Variants in UBR4 observed in about 807,000 individuals in gnomAD.
The protein encoded by UBR4 is E3 ubiquitin-protein ligase UBR4.
UBR4 carries 124 observed loss-of-function variants against 575.6 expected under a neutral mutation model. The observed-to-expected ratio is 0.22, with a 90% CI of 0.19 to 0.25. The LOEUF (loss-of-function observed/expected upper bound fraction) is 0.25, where lower values mean the gene tolerates loss of function less well. Among genes scored for constraint, UBR4 ranks in the 10% least tolerant of loss-of-function variants. UBR4 has a pLI of 1.00. For synonymous variants in UBR4, 2,455 were observed against 2,473.7 expected (o/e 0.99, Z 0.22); for missense variants, 4,818 against 6,478.8 (o/e 0.74, Z 8.80).
intron 42 of UBR4, 91 bp downstream of exon 42, chr1:19,156,180 T>C: frequency 3.3e-6 from 5 of 1,527,666 alleles, no homozygotes; most frequent in Non-Finnish European, 4.4e-6. Context: ...AGCTGATTTT[T>C]TTAACTCCTG....
Position 19,139,901 on chromosome 1 carries a change from T to C in UBR4, c.8594-681A>G, listed in dbSNP as rs550613651. On this transcript the variant is annotated intron_variant, in intron 58 of 105. Transcript: ENST00000375254. This position sits in a 1 kb window ranked among gnomAD's most constrained non-coding sequence, Gnocchi z 4.2. ...CTGAGCTGAGACAGGAGGAAAATGC[T>C]GGATGAGATACATGGGGGAGGAAAG... 6.6e-6 allele frequency among the ~76,000 whole-genome samples: 1 copy of C among 152,178 alleles called. No individual in the cohort carries two copies. Among genetic ancestry groups the C allele is most frequent in the African/African-American group, 2.4e-5 (1 of 41,510 alleles).
At chr1:19,198,122 G>C in intron 5 of UBR4, 73 bp from the exon 6 acceptor site, 2 of 1,422,644 alleles carry the variant, frequency 1.4e-6, no homozygotes, top group Non-Finnish European at 2.0e-6. Context: ...GTGAGCAGTA[G>C]CTGCACGGAT....
chr1:19,163,699 C>A, intron 34 of UBR4, 65 bp downstream of exon 34: 2 of 1,554,744 alleles, frequency 1.3e-6, no homozygotes, highest in South Asian at 2.2e-5. Context: ...GAGACTTCCA[C>A]CTGACCACAG....
chr1:19,164,007 T>C (rs934398943), intron 33 of UBR4, among the ~76,000 whole-genome samples, 180 bp from the exon 34 acceptor site: 4 of 152,312 alleles, frequency 2.6e-5, no homozygotes, highest in Admixed American at 2.6e-4. Flanking sequence ...GCCTTAGAAT[T>C]ATCATTAACA....
chr1:19,206,946 T>C (rs1013090485), intron 1 of UBR4, among the ~76,000 whole-genome samples: 1 of 151,866 alleles, frequency 6.6e-6, no homozygotes, highest in Non-Finnish European at 1.5e-5. Context: ...TACTGAGGAG[T>C]CTCAAGCACG....
rs748996565 is a variant in UBR4, at chr1:19,106,557, G to A, written c.12393+12C>T. On this transcript the variant is annotated intron_variant, in intron 83 of 105. Transcript: ENST00000375254. ...GGCGCAGGGGGTGAAGAGTCCAGAA[G>A]TGGCCACTCACTTGTCGCAGCCAGT... 1 of 1,551,304 alleles carries A rather than the reference G, an allele frequency of 6.4e-7. No homozygotes were observed. The highest frequency in any genetic ancestry group is 8.7e-7 in the Non-Finnish European group (1 of 1,150,166).
At chr1:19,179,994 T>C (rs1163923364) in intron 17 of UBR4, among the ~76,000 whole-genome samples, 2 of 152,200 alleles carry the variant, frequency 1.3e-5, no homozygotes, top group African/African-American at 4.8e-5. Context: ...TTTCGCAAAA[T>C]GTCGCTGGCC....
chr1:19,110,651 G>A lies in UBR4; in HGVS notation c.11892+91C>T. On this transcript the variant is annotated intron_variant, in intron 79 of 105. Coordinates refer to ENST00000375254, the MANE Select transcript of UBR4 (RefSeq NM_020765.3). The surrounding 1 kb of genome is among the most constrained non-coding windows in gnomAD (Gnocchi z 4.5). The stretch of plus-strand genomic sequence containing the variant: ...TAATGTTCTGCTCCTTCCCTCCTCA[G>A]TCACCGCAGGACCTGGGAGGGGAAG... 6.8e-7 allele frequency: 1 copy of A among 1,471,098 alleles called. No individual in the cohort carries two copies. Among genetic ancestry groups the A allele is most frequent in the South Asian group, 1.1e-5 (1 of 87,684 alleles). 91.1% of individuals were successfully genotyped at this position (1,471,098 alleles called of 1,614,324 possible).
In UBR4 at chr1:19,084,543, A is replaced by T; in HGVS notation, c.14969T>A (p.Ile4990Asn). The T allele has an allele frequency of 6.2e-7, 1 of 1,614,000 alleles. No individual in the cohort carries two copies. Among genetic ancestry groups the T allele is most frequent in the East Asian group, 2.2e-5 (1 of 44,866 alleles). The change falls in exon 102 of 106, where the codon ATC becomes AAC. Residue 4990 changes from isoleucine (I) to asparagine (N), a missense_variant. Around this residue, in one of 29 missense-constraint regions of UBR4, gnomAD observed 196 missense variants for 386.8 expected, o/e 0.51. Transcript: ENST00000375254. ...AAGCACAGTGTGAATGATGTACGGG[A>T]TCAGGTGGATGTTGCTCTCCCGGCC... The part of the protein sequence containing the change: ...GGGRESNIHL[I>N]PYIIHTVLYV...
rs557413903 is a variant in UBR4 at position 19,115,603 on chromosome 1, G to A, written c.10858C>T (p.Leu3620=). ...TTCACCTCTGTCTGTCCAGGGGTCA[G>A]CTGAACCTTCTTGGCTTTGTGCCAG... ...ARWHKAKKVQ[L]TPGQTEVKID... is the part of the protein sequence containing the mutation. The change falls in exon 74 of 106, where the codon CTG becomes TTG. Residue 3620 remains leucine, a synonymous_variant. Coordinates refer to ENST00000375254, the MANE Select transcript of UBR4 (RefSeq NM_020765.3). 30 of 1,614,198 alleles carry A rather than the reference G, an allele frequency of 1.9e-5. No individual in the cohort carries two copies. In the South Asian group the frequency reaches 3.3e-4, roughly 18 times the overall value.
rs2149178957 is a variant in UBR4 at position 19,105,762 on chromosome 1, G to A, written c.12474C>T (p.Arg4158=). ...TAAGCAGGTCCAGGACCTGCTGCTTGCGGCTGGGAATGGTGGCTAGAGCTT... is the reference window on the plus strand; with the variant it reads ...TAAGCAGGTCCAGGACCTGCTGCTTACGGCTGGGAATGGTGGCTAGAGCTT... ...IVEALATIPS[R]KQQVLDLLTS... The change falls in exon 84 of 106, where the codon CGC becomes CGT. Residue 4158 remains arginine (R), a synonymous_variant. Coordinates refer to ENST00000375254, the MANE Select transcript of UBR4 (RefSeq NM_020765.3). 8.1e-6 allele frequency: 13 copies of A among 1,610,236 alleles called. No homozygotes were observed. The highest frequency in any genetic ancestry group is 1.1e-5 in the Non-Finnish European group (13 of 1,178,732).
intron 32 of UBR4, 133 bp downstream of exon 32, chr1:19,164,666 C>A: frequency 1.6e-6 from 2 of 1,270,812 alleles, no homozygotes; most frequent in Non-Finnish European, 1.1e-6. Context: ...ACACTAGAAT[C>A]CTTGAGTCTA....
Position 19,185,158 on chromosome 1 carries a change from T to C in UBR4, c.1879A>G (p.Ser627Gly), listed in dbSNP as rs1395191335. 2 of 1,614,170 alleles carry C rather than the reference T, an allele frequency of 1.2e-6. No individual in the cohort carries two copies. The highest frequency in any genetic ancestry group is 8.5e-7 in the Non-Finnish European group (1 of 1,180,016). Residue 627 changes from serine to glycine, a missense_variant, in exon 15 of 106, where the codon AGT becomes GGT. Physicochemically the swap from Ser to Gly is moderately conservative, Grantham distance 56. Coordinates refer to ENST00000375254, the MANE Select transcript of UBR4 (RefSeq NM_020765.3). ...LESSPRVKSPSKQAPGEKGNI... is the reference protein window; with the variant it reads ...LESSPRVKSPGKQAPGEKGNI... ...CCCTTCTCACCAGGGGCCTGCTTAC[T>C]GGGGCTTTTAACCCGAGGAGAGCTT...
At chr1:19,204,908 T>C (rs2092931850) in intron 1 of UBR4, among the ~76,000 whole-genome samples, 1 of 151,474 alleles carries the variant, frequency 6.6e-6, no homozygotes, top group Admixed American at 6.6e-5. Context: ...CCTGAGAAAA[T>C]GTTAAGACAC....
At chr1:19,156,465 G>A in intron 41 of UBR4, 42 bp from the exon 42 acceptor site, 1 of 1,598,982 alleles carries the variant, frequency 6.3e-7, no homozygotes, top group Non-Finnish European at 8.5e-7. Flanking sequence ...AAGATGATCT[G>A]AAAAGTGGGC....
chr1:19,189,594 G>A (rs2091880323), intron 11 of UBR4, among the ~76,000 whole-genome samples: 3 of 152,160 alleles, frequency 2.0e-5, no homozygotes, highest in Admixed American at 6.5e-5. Flanking sequence ...AAAAATGTCT[G>A]AAGGAATGTT....
At chr1:19,107,089 C>T (rs2079294860) in intron 81 of UBR4, 123 bp from the exon 82 acceptor site, 1 of 1,388,618 alleles carries the variant, frequency 7.2e-7, no homozygotes, top group African/African-American at 1.4e-5. Flanking sequence ...GGAGGATCAA[C>T]ACGTGTATCT....
chr1:19,084,290 G>A (rs2076797982), intron 102 of UBR4, among the ~76,000 whole-genome samples: 1 of 152,242 alleles, frequency 6.6e-6, no homozygotes, highest in Admixed American at 6.5e-5. Flanking sequence ...TGGGAGACAG[G>A]GCAGTTTGGG....
intron 53 of UBR4, among the ~76,000 whole-genome samples, chr1:19,145,201 T>C (rs942542470): frequency 4.6e-5 from 7 of 152,182 alleles, no homozygotes; most frequent in Admixed American, 2.0e-4. Context: ...CAAGGAAATA[T>C]GAAGAGGAAG....
Sources: gnomAD v4.1 joint callset for allele counts (sites outside exome capture counted in the v4.1 genomes callset) on GRCh38, gnomAD v4.1.1 for gene constraint, gnomAD v4.1.1 regional missense constraint, Gnocchi (gnomAD v3.1) non-coding constraint, MANE v1.5 for transcripts, NCBI Gene and HGNC (gene_info 2026-07-23, HGNC 2026-07-21) for gene names.